PCDHGA9: variants seen among roughly 807,000 people sequenced by gnomAD.
The protein encoded by PCDHGA9 is protocadherin gamma-A9.
A neutral mutation model predicts 62.5 loss-of-function variants in PCDHGA9; 37 were observed. The observed-to-expected ratio is 0.59, with a 90% CI of 0.46 to 0.78. The LOEUF (loss-of-function observed/expected upper bound fraction) is 0.78. Ranked by LOEUF, PCDHGA9 falls within the 30% of genes least tolerant of loss-of-function variation. The probability of loss-of-function intolerance (pLI) is 0.00; values close to 1 mark genes in which losing one functional copy is unlikely to be tolerated. For missense variants in PCDHGA9, 1,138 were observed against 1,166.2 expected (o/e 0.98, Z 0.35); for synonymous variants, 459 against 484.6 (o/e 0.95, Z 0.69).
chr5:141,447,428 G>C (rs542079336), intron 1 of PCDHGA9, among the ~76,000 whole-genome samples: 1 of 152,184 alleles, frequency 6.6e-6, no homozygotes, highest in African/African-American at 2.4e-5. Flanking sequence ...GTGAGCCACC[G>C]CACCCGGAGG....
intron 1 of PCDHGA9, among the ~76,000 whole-genome samples, chr5:141,420,713 G>GT (rs1303648273): frequency 3.3e-5 from 5 of 152,078 alleles, no homozygotes; most frequent in African/African-American, 1.2e-4. Context: ...CAGAAATGTC[G>GT]TTCCTTTCAG....
In PCDHGA9 at chr5:141,405,249, G is replaced by C; in HGVS notation, c.2297G>C (p.Ser766Thr). 2 of 1,614,128 alleles carry C rather than the reference G, an allele frequency of 1.2e-6. No individual in the cohort carries two copies. Among genetic ancestry groups the C allele is most frequent in the Non-Finnish European group, 1.7e-6 (2 of 1,180,014 alleles). Residue 766 changes from serine (S) to threonine (T), a missense_variant, in exon 1 of 4, where the codon AGT (serine) becomes ACT (threonine). Transcript: ENST00000573521. ...TCCCTCACCGCTGACTCAAGGAAGA[G>C]TCACCTGATCTTCCCCCAGCCCAAC... ...EFSLTADSRK[S>T]HLIFPQPNYA...
intron 1 of PCDHGA9, among the ~76,000 whole-genome samples, chr5:141,481,241 A>C (rs557107835): frequency 2.0e-5 from 3 of 152,350 alleles, no homozygotes; most frequent in South Asian, 2.1e-4. Flanking sequence ...AGTATTACAT[A>C]GCATAGCTCT....
In PCDHGA9 at chr5:141,432,115, C is replaced by G. The variant is rs753088299; in HGVS notation, c.2424+26739C>G. On this transcript the variant is annotated intron_variant, in intron 1 of 3. Transcript: ENST00000573521. This position sits in a 1 kb window ranked among gnomAD's most constrained non-coding sequence, Gnocchi z 6.0. ...ACACCAACGACAACCCGCCGGTCTT[C>G]CCTCAGGCCTCCTATTCCGCTTATA... The G allele has an allele frequency of 1.2e-5, 20 of 1,614,178 alleles. No individual in the cohort carries two copies. Among genetic ancestry groups the G allele is most frequent in the Non-Finnish European group, 1.6e-5 (19 of 1,180,050 alleles).
At chr5:141,470,508 G>A (rs947583701) in intron 1 of PCDHGA9, among the ~76,000 whole-genome samples, 10 of 152,176 alleles carry the variant, frequency 6.6e-5, no homozygotes, top group African/African-American at 2.4e-4. Flanking sequence ...TAATTAGACA[G>A]TTAGCTAATA....
rs1192987646 is a variant in PCDHGA9, at chr5:141,423,758, G to A, written c.2424+18382G>A. Reference sequence around the variant, plus strand: ...CTGTTATGAAAACTGTTTGGGGGGGGGGTGGGGCGGCATATATTTAGTTCA... The same window carrying A: ...CTGTTATGAAAACTGTTTGGGGGGGAGGTGGGGCGGCATATATTTAGTTCA... On this transcript the variant is annotated intron_variant, in intron 1 of 3. Coordinates refer to ENST00000573521, the MANE Select transcript of PCDHGA9 (RefSeq NM_018921.3). 8.2e-5 allele frequency: 30 copies of A among 366,770 alleles called. 3 individuals are homozygous for A. Among genetic ancestry groups the A allele is most frequent in the Non-Finnish European group, 1.1e-4 (29 of 259,742 alleles). The allele number at this position is 366,770 out of a possible 1,614,324, so 22.7% of individuals were successfully genotyped here.
chr5:141,402,878 G>A lies in PCDHGA9; in HGVS notation c.-75G>A. The A allele has an allele frequency of 1.4e-6, 2 of 1,471,050 alleles. No homozygotes were observed. Among genetic ancestry groups the A allele is most frequent in the Non-Finnish European group, 1.8e-6 (2 of 1,110,888 alleles). 91.1% of individuals were successfully genotyped at this position (1,471,050 alleles called of 1,614,324 possible). ...TCTAAGGAAAAGATCACCATACTTT[G>A]CAGGGTGGAAGAAAGAACCTGATGA... On this transcript the variant is annotated 5_prime_UTR_variant, in exon 1 of 4. Coordinates refer to ENST00000573521, the MANE Select transcript of PCDHGA9 (RefSeq NM_018921.3).
chr5:141,436,406 G>T (rs1403133377), intron 1 of PCDHGA9, among the ~76,000 whole-genome samples: 3 of 152,308 alleles, frequency 2.0e-5, no homozygotes, highest in East Asian at 3.9e-4. Context: ...GTTGTTGAAT[G>T]AATGGATAAA....
At chr5:141,440,150 A>G (rs770863453) in intron 1 of PCDHGA9, 1 of 152,244 alleles carries the variant, frequency 6.6e-6, no homozygotes, top group African/African-American at 2.4e-5. Context: ...ACGCCCCCCA[A>G]TTATAGCTTG....
intron 1 of PCDHGA9, among the ~76,000 whole-genome samples, chr5:141,443,832 A>G (rs2098407108): frequency 6.6e-6 from 1 of 152,224 alleles, no homozygotes; most frequent in African/African-American, 2.4e-5. Context: ...ATTAGGTAAA[A>G]TGGGTAATAT....
chr5:141,410,450 T>G, intron 1 of PCDHGA9: 1 of 1,614,052 alleles, frequency 6.2e-7, no homozygotes, highest in Non-Finnish European at 8.5e-7. Flanking sequence ...GACTTTGCCT[T>G]ATTCTTATAA....
At chr5:141,430,873 G>T in intron 1 of PCDHGA9, 5 of 1,598,960 alleles carry the variant, frequency 3.1e-6, no homozygotes, top group Non-Finnish European at 4.3e-6. Flanking sequence ...TTCCGGAAGA[G>T]CTGGAGAAAG....
At chr5:141,419,348 G>A (rs1195474899) in intron 1 of PCDHGA9, 1 of 1,613,816 alleles carries the variant, frequency 6.2e-7, no homozygotes, top group Non-Finnish European at 8.5e-7. Context: ...CAGCGACCTG[G>A]AGTCACGAAC....
chr5:141,456,973 A>G (rs1276476368), intron 1 of PCDHGA9, among the ~76,000 whole-genome samples: 2 of 147,412 alleles, frequency 1.4e-5, no homozygotes, highest in Admixed American at 6.7e-5. Flanking sequence ...AAAACAAAAC[A>G]AACAAACAAA....
intron 1 of PCDHGA9, chr5:141,421,280 G>A (rs564480755): frequency 1.2e-6 from 2 of 1,612,948 alleles, no homozygotes; most frequent in South Asian, 2.2e-5. Context: ...CTGCTGCTGT[G>A]CATTTTCCTG....
At chr5:141,447,313 T>C (rs2098534296) in intron 1 of PCDHGA9, among the ~76,000 whole-genome samples, 1 of 152,146 alleles carries the variant, frequency 6.6e-6, no homozygotes, top group African/African-American at 2.4e-5. Context: ...CTAATTTTTG[T>C]ATTTTTAGTA....
chr5:141,478,011 G>A (rs1216659966), intron 1 of PCDHGA9: 1 of 1,614,088 alleles, frequency 6.2e-7, no homozygotes, highest in East Asian at 2.2e-5. Flanking sequence ...AGTACTGCCC[G>A]TCCAGTCCAA....
chr5:141,428,426 C>T (rs1040765233), intron 1 of PCDHGA9: 1 of 435,172 alleles, frequency 2.3e-6, no homozygotes, highest in African/African-American at 2.0e-5. Context: ...GGTCTCTGTT[C>T]TAAGACTAGA....
chr5:141,407,970 C>T, intron 1 of PCDHGA9: 2 of 716,252 alleles, frequency 2.8e-6, no homozygotes, highest in Non-Finnish European at 4.3e-6. Context: ...CAAGCGCTGA[C>T]GCCGGGGATC....
Sources: gnomAD v4.1 joint callset for allele counts (sites outside exome capture counted in the v4.1 genomes callset) on GRCh38, gnomAD v4.1.1 for gene constraint, Gnocchi (gnomAD v3.1) non-coding constraint, MANE v1.5 for transcripts, NCBI Gene and HGNC (gene_info 2026-07-23, HGNC 2026-07-21) for gene names.